The following CACNA1B variants were observed in gnomAD, a reference collection of about 807,000 sequenced individuals.
The protein encoded by CACNA1B is calcium voltage-gated channel subunit alpha1 B.
A neutral mutation model predicts 247.2 loss-of-function variants in CACNA1B; 70 were observed. That is an observed-to-expected ratio of 0.28 (90% CI 0.23 to 0.35). The LOEUF is 0.35. Ranked by LOEUF, CACNA1B falls within the 10% of genes least tolerant of loss-of-function variation. The pLI, the probability that CACNA1B is intolerant of heterozygous loss-of-function variation, is 1.00. For synonymous variants in CACNA1B, 1,231 were observed against 1,294.4 expected, an observed-to-expected ratio of 0.95 and a Z score of 1.05; for missense variants, 2,367 against 3,197.4, an observed-to-expected ratio of 0.74 and a Z score of 6.26.
chr9:137,879,108 C>T lies in CACNA1B; in HGVS notation c.339C>T (p.Ala113=), dbSNP rs749022785. The T allele has an allele frequency of 1.2e-6, 2 of 1,612,654 alleles. No homozygotes were observed. Among genetic ancestry groups the T allele is most frequent in the East Asian group, 2.2e-5 (1 of 44,860 alleles). The change falls in exon 2 of 47, where the codon GCC becomes GCT. Residue 113 remains alanine, a synonymous_variant. Transcript: ENST00000371372. ...ATIIANCIVL[A]LEQHLPDGDK... is the part of the protein sequence containing the mutation. ...TCATCGCCAACTGCATCGTGCTGGCCCTGGAGCAGCACCTCCCTGATGGGG... is the reference window on the plus strand; with the variant it reads ...TCATCGCCAACTGCATCGTGCTGGCTCTGGAGCAGCACCTCCCTGATGGGG...
chr9:138,025,527 G>A (rs1371167528), intron 20 of CACNA1B, among the ~76,000 whole-genome samples: 1 of 152,226 alleles, frequency 6.6e-6, no homozygotes, highest in African/African-American at 2.4e-5. Flanking sequence ...TTGCACAAAA[G>A]CTGCTGGCTG....
chr9:138,022,870 C>A, intron 18 of CACNA1B, 141 bp from the exon 19 acceptor site: 2 of 1,167,112 alleles, frequency 1.7e-6, no homozygotes, highest in Non-Finnish European at 2.3e-6. Flanking sequence ...TCCGCGTCCC[C>A]CGAGGGGTGT....
chr9:138,006,057 A>G (rs1018845841), intron 15 of CACNA1B, among the ~76,000 whole-genome samples: 1 of 151,486 alleles, frequency 6.6e-6, no homozygotes, highest in Non-Finnish European at 1.5e-5. Context: ...AAAAAAAAAA[A>G]AAAAGAAATT....
chr9:138,015,120 C>A (rs1958774437), intron 18 of CACNA1B, among the ~76,000 whole-genome samples: 1 of 152,102 alleles, frequency 6.6e-6, no homozygotes, highest in African/African-American at 2.4e-5. Flanking sequence ...AGCTCCAGTG[C>A]CAGCATCCTC....
In CACNA1B at chr9:137,884,169, G is replaced by C. The variant is rs1250306256; in HGVS notation, c.530+1286G>C. 2.6e-5 allele frequency among the ~76,000 whole-genome samples: 4 copies of C among 152,348 alleles called. No homozygotes were observed. The South Asian group carries it at 8.3e-4, about 32-fold the overall frequency. On this transcript the variant is annotated intron_variant, in intron 3 of 46. Transcript: ENST00000371372. ...AGCAGCATGTACAGAACTGGGCTTG[G>C]GGGTGTCGCATGGAAGGCTCAGCCC...
chr9:137,973,298 T>C lies in CACNA1B; in HGVS notation c.1543+1706T>C, dbSNP rs1248327916. ...TGGAGGGAAATGTGGGCAGTGTCCC[T>C]GACAGCCGGGCTGGGCCTGAGGGAG... On this transcript the variant is annotated intron_variant, in intron 11 of 46. Coordinates refer to ENST00000371372, the MANE Select transcript of CACNA1B (RefSeq NM_000718.4). The surrounding 1 kb of genome is among the most constrained non-coding windows in gnomAD (Gnocchi z 4.1). Among the ~76,000 whole-genome samples the C allele has an allele frequency of 2.0e-5, 3 of 152,166 alleles. No homozygotes were observed. Among genetic ancestry groups the C allele is most frequent in the Non-Finnish European group, 4.4e-5 (3 of 68,032 alleles).
intron 3 of CACNA1B, among the ~76,000 whole-genome samples, chr9:137,906,147 C>G (rs578104247): frequency 2.6e-4 from 40 of 152,252 alleles, no homozygotes; most frequent in Non-Finnish European, 4.4e-4. Flanking sequence ...CAGCCTGGGT[C>G]TACACAACTT....
intron 3 of CACNA1B, among the ~76,000 whole-genome samples, chr9:137,905,518 C>A (rs765938456): frequency 6.6e-6 from 1 of 152,040 alleles, no homozygotes; most frequent in Non-Finnish European, 1.5e-5. Flanking sequence ...TGTAACTAGA[C>A]CTTCCTAAGT....
rs1958716553 is a variant in CACNA1B at position 138,010,957 on chromosome 9, T to C, written c.2160+880T>C. ...AGAGTGAGTGCTGTGCAGGTGCCCC[T>C]GCTCCCCCCAGCCGAGCTCTCCAGG... On this transcript the variant is annotated intron_variant, in intron 17 of 46. Coordinates refer to ENST00000371372, the MANE Select transcript of CACNA1B (RefSeq NM_000718.4). The surrounding 1 kb of genome is among the most constrained non-coding windows in gnomAD (Gnocchi z 5.3). Among the ~76,000 whole-genome samples, 1 of 152,182 alleles carries C rather than the reference T, an allele frequency of 6.6e-6. No homozygotes were observed. Among genetic ancestry groups the C allele is most frequent in the African/African-American group, 2.4e-5 (1 of 41,458 alleles).
rs1957425523 is a variant in CACNA1B, at chr9:137,917,522, C to T, written c.966+91C>T. 1 of 1,120,578 alleles carries T rather than the reference C, an allele frequency of 8.9e-7. No homozygotes were observed. 69.4% of individuals were successfully genotyped at this position (1,120,578 alleles called of 1,614,324 possible). ...GGTCCATTTAGGGGGGCCCTTCTGACCTCAGAGCCTCTGCCCAGCCCTAGG... is the reference window on the plus strand; with the variant it reads ...GGTCCATTTAGGGGGGCCCTTCTGATCTCAGAGCCTCTGCCCAGCCCTAGG... On this transcript the variant is annotated intron_variant, in intron 6 of 46. Transcript: ENST00000371372. This position sits in a 1 kb window ranked among gnomAD's most constrained non-coding sequence, Gnocchi z 5.5.
intron 38 of CACNA1B, among the ~76,000 whole-genome samples, chr9:138,103,470 G>A (rs547495357): frequency 2.3e-4 from 35 of 152,242 alleles, no homozygotes; most frequent in African/African-American, 4.8e-4. Flanking sequence ...GGATGGCCTC[G>A]GGGCCCAGGA....
At chr9:138,108,380 GA>G (rs1232854757) in intron 39 of CACNA1B, among the ~76,000 whole-genome samples, 1 of 151,078 alleles carries the variant, frequency 6.6e-6, no homozygotes, top group Non-Finnish European at 1.5e-5. Context: ...GTTTAGAGTG[GA>G]AAAACCTTCC....
intron 8 of CACNA1B, among the ~76,000 whole-genome samples, chr9:137,956,269 G>A (rs895400626): frequency 3.3e-5 from 5 of 152,210 alleles, no homozygotes; most frequent in African/African-American, 1.2e-4. Context: ...GTAGGGACGG[G>A]CAGACACAAG....
chr9:137,939,809 A>G (rs1353490163), intron 6 of CACNA1B, among the ~76,000 whole-genome samples: 1 of 110,602 alleles, frequency 9.0e-6, no homozygotes, highest in Admixed American at 7.9e-5. Flanking sequence ...TCTCAAAATA[A>G]ATAAATAAAT....
chr9:138,114,836 G>T (rs535864681), intron 41 of CACNA1B, among the ~76,000 whole-genome samples: 1 of 152,128 alleles, frequency 6.6e-6, no homozygotes, highest in Non-Finnish European at 1.5e-5. Flanking sequence ...GGTGAAAGGA[G>T]AACTGTTTTC....
chr9:138,067,701 CAT>C (rs1393947907), intron 31 of CACNA1B, among the ~76,000 whole-genome samples: 3 of 152,332 alleles, frequency 2.0e-5, no homozygotes, highest in African/African-American at 4.8e-5. Flanking sequence ...TCTTTCAAAA[CAT>C]ATAAATAACC....
chr9:137,884,624 C>T (rs1463564131), intron 3 of CACNA1B, among the ~76,000 whole-genome samples: 1 of 150,082 alleles, frequency 6.7e-6, no homozygotes, highest in East Asian at 2.0e-4. Flanking sequence ...AGTGGGCACC[C>T]AGGAGGGGCA....
chr9:138,096,838 G>A (rs553480957), intron 37 of CACNA1B, among the ~76,000 whole-genome samples: 2 of 149,536 alleles, frequency 1.3e-5, no homozygotes, highest in East Asian at 3.9e-4. Context: ...ACTGCATAAA[G>A]TGATAAGGGT....
intron 41 of CACNA1B, among the ~76,000 whole-genome samples, chr9:138,114,920 A>G (rs1961801107): frequency 6.6e-6 from 1 of 152,136 alleles, no homozygotes; most frequent in African/African-American, 2.4e-5. Flanking sequence ...TTTGACTGAG[A>G]TGATTTGGGG....
Sources: gnomAD v4.1 joint callset for allele counts (sites outside exome capture counted in the v4.1 genomes callset) on GRCh38, gnomAD v4.1.1 for gene constraint, Gnocchi (gnomAD v3.1) non-coding constraint, MANE v1.5 for transcripts, NCBI Gene and HGNC (gene_info 2026-07-23, HGNC 2026-07-21) for gene names.